Variants in SLIT2 observed in about 807,000 individuals in gnomAD.
SLIT2 encodes the protein slit guidance ligand 2.
In SLIT2, 41 loss-of-function variants were observed where a neutral mutation model predicts 185.7. That is an observed-to-expected ratio of 0.22 (90% CI 0.17 to 0.29). SLIT2 has a LOEUF of 0.29. Among genes scored for constraint, SLIT2 ranks in the 10% least tolerant of loss-of-function variants. SLIT2 has a pLI of 1.00. For missense variants in SLIT2, 1,571 were observed against 1,909.0 expected (o/e 0.82, Z 3.30); for synonymous variants, 693 against 680.2 (o/e 1.02, Z -0.29).
In SLIT2 at chr4:20,252,017, CGGAGGCGGA is replaced by C. The variant is rs1310210919; in HGVS notation, c.-1796_-1788del. On this transcript the variant is annotated 5_prime_UTR_variant, in exon 1 of 37. Transcript: ENST00000504154. ...AAGAAGGCGGCGGCGGCGGCGGCGG[CGGAGGCGGA>C]GGCAGCTGCGAGGCATGGGAGCGCC... 1.3e-5 allele frequency among the ~76,000 whole-genome samples: 2 copies of C among 151,992 alleles called. No individual in the cohort carries two copies. The highest frequency in any genetic ancestry group is 2.9e-5 in the Non-Finnish European group (2 of 67,974).
At chr4:20,454,339 T>C (rs1321100171) in intron 4 of SLIT2, among the ~76,000 whole-genome samples, 1 of 152,194 alleles carries the variant, frequency 6.6e-6, no homozygotes, top group African/African-American at 2.4e-5. Context: ...ATGAAAATAA[T>C]TCTTTTCCCT....
chr4:20,361,131 T>C (rs1238315258), intron 4 of SLIT2, among the ~76,000 whole-genome samples: 9 of 152,154 alleles, frequency 5.9e-5, no homozygotes, highest in African/African-American at 1.7e-4. Context: ...TTTTCTTTTT[T>C]AACTATTATT....
At chr4:20,542,250 AT>A (rs1314376373) in intron 20 of SLIT2, among the ~76,000 whole-genome samples, 4 of 152,174 alleles carry the variant, frequency 2.6e-5, no homozygotes, top group African/African-American at 9.6e-5. Flanking sequence ...TTTCCATTGT[AT>A]TGGTAATTGT....
At chr4:20,535,276 G>A (rs1036257506) in intron 18 of SLIT2, among the ~76,000 whole-genome samples, 1 of 152,014 alleles carries the variant, frequency 6.6e-6, no homozygotes, top group South Asian at 2.1e-4. Context: ...TCCAGCCTGG[G>A]TGACATAGTG....
chr4:20,511,598 T>TTTTTTTTTTTTTTTC (rs1194687099), intron 11 of SLIT2, among the ~76,000 whole-genome samples: 1 of 141,674 alleles, frequency 7.1e-6, no homozygotes, highest in East Asian at 2.1e-4. Flanking sequence ...TTTTTTTTTT[T>TTTTTTTTTTTTTTTC]TTTTTATTTT....
intron 26 of SLIT2, among the ~76,000 whole-genome samples, chr4:20,554,746 G>C (rs1332222165): frequency 6.6e-6 from 1 of 150,706 alleles, no homozygotes; most frequent in Non-Finnish European, 1.5e-5. Flanking sequence ...GTGGGGTTTT[G>C]GGGGGGCTTT....
chr4:20,520,033 CAAAAAAAAAAAAA>C (rs34644308), intron 12 of SLIT2, among the ~76,000 whole-genome samples: 1 of 68,384 alleles, frequency 1.5e-5, no homozygotes, highest in South Asian at 7.9e-4. Flanking sequence ...GACTCCGTCT[CAAAAAAAAAAAAA>C]AAAAAAAAAA....
chr4:20,467,791 A>G lies in SLIT2; in HGVS notation c.435A>G (p.Lys145=). 30 of 1,598,398 alleles carry G rather than the reference A, an allele frequency of 1.9e-5. No homozygotes were observed. The highest frequency in any genetic ancestry group is 2.6e-5 in the Non-Finnish European group (30 of 1,170,772). The change falls in exon 5 of 37, where the codon AAA becomes AAG. Residue 145 remains lysine, a synonymous_variant. Transcript: ENST00000504154. ...SENQIQAIPR[K]AFRGAVDIKN... ...ACCAAATTCAGGCAATCCCAAGGAA[A>G]GCTTTCCGTGGGGCAGTTGACATAA...
intron 4 of SLIT2, among the ~76,000 whole-genome samples, chr4:20,347,555 C>A (rs964948586): frequency 3.3e-5 from 5 of 152,174 alleles, no homozygotes; most frequent in African/African-American, 1.2e-4. Context: ...ATATAAAACA[C>A]CATCAGTTCA....
At chr4:20,282,236 A>G (rs1473344723) in intron 4 of SLIT2, among the ~76,000 whole-genome samples, 1 of 152,214 alleles carries the variant, frequency 6.6e-6, no homozygotes, top group African/African-American at 2.4e-5. Context: ...TTAAAAAGAG[A>G]AAAGTGGTTT....
At chr4:20,265,473 G>A (rs1380243635) in intron 3 of SLIT2, among the ~76,000 whole-genome samples, 7 of 151,802 alleles carry the variant, frequency 4.6e-5, no homozygotes, top group Admixed American at 4.6e-4. Flanking sequence ...ATACTGTTTT[G>A]TTGTATCCAT....
chr4:20,476,559 A>C (rs1347858586), intron 5 of SLIT2, among the ~76,000 whole-genome samples: 1 of 152,156 alleles, frequency 6.6e-6, no homozygotes, highest in Non-Finnish European at 1.5e-5. Flanking sequence ...AAATTATTAA[A>C]GATTGTTATG....
chr4:20,332,920 T>C (rs1393126037), intron 4 of SLIT2, among the ~76,000 whole-genome samples: 1 of 152,156 alleles, frequency 6.6e-6, no homozygotes, highest in Non-Finnish European at 1.5e-5. Context: ...AAACTTAGTG[T>C]AAAGAGAGGT....
chr4:20,562,506 C>T (rs1017569685), intron 26 of SLIT2, among the ~76,000 whole-genome samples: 5 of 151,794 alleles, frequency 3.3e-5, no homozygotes, highest in Non-Finnish European at 7.4e-5. Context: ...CATGCATTCT[C>T]ATTCCCCACA....
chr4:20,301,640 G>A (rs1287395281), intron 4 of SLIT2, among the ~76,000 whole-genome samples: 1 of 152,112 alleles, frequency 6.6e-6, no homozygotes, highest in Non-Finnish European at 1.5e-5. Flanking sequence ...GCTTTCCCAA[G>A]TAACATTTCT....
intron 4 of SLIT2, among the ~76,000 whole-genome samples, chr4:20,280,614 C>T (rs1301253303): frequency 6.6e-6 from 1 of 152,048 alleles, no homozygotes; most frequent in East Asian, 1.9e-4. Context: ...GATCAAAATA[C>T]ATCTAAGATG....
At chr4:20,613,967 G>A (rs949894067) in intron 34 of SLIT2, among the ~76,000 whole-genome samples, 1 of 152,146 alleles carries the variant, frequency 6.6e-6, no homozygotes, top group Non-Finnish European at 1.5e-5. Flanking sequence ...CACCTCCCGA[G>A]TTCAAGTGAT....
rs1711618384 is a variant in SLIT2 at position 20,254,911 on chromosome 4, C to T, written c.179+917C>T. On this transcript the variant is annotated intron_variant, in intron 1 of 36. Transcript: ENST00000504154. The surrounding 1 kb of genome is among the most constrained non-coding windows in gnomAD (Gnocchi z 5.1). ...CTCCGTTGCTCGCAGACGTCCCCGC[C>T]TCCCTGTCTTTGCGAGTCTCTAATG... 3 of 456,180 alleles carry T rather than the reference C, an allele frequency of 6.6e-6. No homozygotes were observed. The highest frequency in any genetic ancestry group is 4.0e-5 in the African/African-American group (2 of 50,094). The allele number at this position is 456,180 out of a possible 1,614,324, so 28.3% of individuals were successfully genotyped here. A position where few individuals can be genotyped will look rare whatever the true frequency, so the allele number is the denominator to read the frequency against.
At chr4:20,537,383 C>T (rs1722392342) in intron 18 of SLIT2, among the ~76,000 whole-genome samples, 1 of 151,766 alleles carries the variant, frequency 6.6e-6, no homozygotes, top group African/African-American at 2.4e-5. Context: ...TCTGCTTGAC[C>T]AAAATATTGT....
Sources: allele counts gnomAD v4.1 joint callset (sites outside exome capture counted in the v4.1 genomes callset), GRCh38; gene constraint gnomAD v4.1.1; non-coding constraint Gnocchi (gnomAD v3.1); transcripts MANE v1.5; gene names NCBI Gene and HGNC (gene_info 2026-07-23, HGNC 2026-07-21).